The following EPHB2 variants were observed in gnomAD, a reference collection of about 807,000 sequenced individuals.
EPHB2 encodes the protein EPH receptor B2, also known as ephrin type-B receptor 2.
Under a neutral mutation model 96.4 loss-of-function variants are expected in EPHB2, and 18 were observed. The ratio of observed to expected loss-of-function variants is 0.19; its 90% CI spans 0.13 to 0.28. EPHB2 has a LOEUF of 0.28. EPHB2 is among the 10% of genes least tolerant of loss of function. The pLI is 1.00. For synonymous variants in EPHB2, 506 were observed against 534.1 expected (o/e 0.95, Z 0.72); for missense variants, 989 against 1,355.4 (o/e 0.73, Z 4.25).
intron 8 of EPHB2, 71 bp downstream of exon 8, chr1:22,895,651 C>A: frequency 7.3e-7 from 1 of 1,365,670 alleles, no homozygotes; most frequent in Non-Finnish European, 1.0e-6. Flanking sequence ...TTCAGTCATC[C>A]CTCTACAGTG....
Position 22,882,414 on chromosome 1 carries a change from C to A in EPHB2, c.1359C>A (p.Thr453=). 1 of 1,614,202 alleles carries A rather than the reference C, an allele frequency of 6.2e-7. No homozygotes were observed. Among genetic ancestry groups the A allele is most frequent in the South Asian group, 1.1e-5 (1 of 91,080 alleles). ...HQVSRTVDSI[T]LSWSQPDQPN... ...TGAGCCGCACCGTGGACAGCATTAC[C>A]CTGTCGTGGTCCCAGCCGGACCAGC... The change falls in exon 6 of 16, where the codon ACC becomes ACA. Residue 453 remains threonine, a synonymous_variant. Coordinates refer to ENST00000374630, the MANE Select transcript of EPHB2 (RefSeq NM_017449.5).
intron 6 of EPHB2, among the ~76,000 whole-genome samples, chr1:22,888,199 G>A (rs1352172233): frequency 2.0e-5 from 3 of 152,028 alleles, no homozygotes; most frequent in Non-Finnish European, 4.4e-5. Flanking sequence ...GTGCCACCAC[G>A]CTCGGCTAAT....
In EPHB2 at chr1:22,865,011, G is replaced by T; in HGVS notation, c.1102G>T (p.Gly368Cys). 6.2e-7 allele frequency: 1 copy of T among 1,611,886 alleles called. No individual in the cohort carries two copies. The highest frequency in any genetic ancestry group is 8.5e-7 in the Non-Finnish European group (1 of 1,178,294). ...YNIICKSCGS[G>C]RGACTRCGDN... Reference sequence around the variant, plus strand: ...CATCATCTGCAAGAGCTGTGGCTCGGGCCGGGGTGCCTGCACCCGCTGCGG... The same window carrying T: ...CATCATCTGCAAGAGCTGTGGCTCGTGCCGGGGTGCCTGCACCCGCTGCGG... The change falls in exon 5 of 16, where the codon GGC becomes TGC. Residue 368 changes from glycine (G) to cysteine (C), a missense_variant. By Grantham distance (159) the Gly-to-Cys change is radical (BLOSUM62 -3). Coordinates refer to ENST00000374630, the MANE Select transcript of EPHB2 (RefSeq NM_017449.5).
chr1:22,847,310 G>A (rs1645557811), intron 3 of EPHB2, among the ~76,000 whole-genome samples: 1 of 152,236 alleles, frequency 6.6e-6, no homozygotes, highest in South Asian at 2.1e-4. Context: ...AAGGCCAGAA[G>A]GACCCTGTTG....
chr1:22,876,308 C>G (rs1480233365), intron 5 of EPHB2, among the ~76,000 whole-genome samples: 1 of 152,124 alleles, frequency 6.6e-6, no homozygotes, highest in African/African-American at 2.4e-5. Flanking sequence ...TTGCAGCAAC[C>G]AGGGGCACAG....
chr1:22,770,725 T>A (rs1644369399), intron 1 of EPHB2, among the ~76,000 whole-genome samples: 1 of 152,200 alleles, frequency 6.6e-6, no homozygotes, highest in Non-Finnish European at 1.5e-5. Context: ...TTAACCTCTC[T>A]GAAGGTTATT....
In EPHB2 at chr1:22,858,188, G is replaced by A. The variant is rs910596567; in HGVS notation, c.812-4849G>A. 4.6e-5 allele frequency among the ~76,000 whole-genome samples: 7 copies of A among 152,040 alleles called. No individual in the cohort carries two copies. The highest frequency in any genetic ancestry group is 1.9e-4 in the East Asian group (1 of 5,180). ...CTTGGCCAAAGGCCTGGAGGTGAGAGCGCATTCGATGACCACAGGCAGGAG... is the reference window on the plus strand; with the variant it reads ...CTTGGCCAAAGGCCTGGAGGTGAGAACGCATTCGATGACCACAGGCAGGAG... On this transcript the variant is annotated intron_variant, in intron 3 of 15. Transcript: ENST00000374630. This position sits in a 1 kb window ranked among gnomAD's most constrained non-coding sequence, Gnocchi z 7.7.
chr1:22,898,737 A>AC (rs1366861393), intron 9 of EPHB2, among the ~76,000 whole-genome samples: 2 of 152,172 alleles, frequency 1.3e-5, no homozygotes, highest in Non-Finnish European at 2.9e-5. Context: ...TGGTGGCCAG[A>AC]CCGAGTGGCA....
chr1:22,749,910 G>T (rs905079282), intron 1 of EPHB2, among the ~76,000 whole-genome samples: 1 of 152,106 alleles, frequency 6.6e-6, no homozygotes, highest in African/African-American at 2.4e-5. Context: ...TAATCAAGAC[G>T]TGTGGTTTGA....
rs185025126 is a variant in EPHB2, at chr1:22,917,811, T to C, written c.*4241T>C. On this transcript the variant is annotated 3_prime_UTR_variant, in exon 16 of 16. Coordinates refer to ENST00000374630, the MANE Select transcript of EPHB2 (RefSeq NM_017449.5). ...ATGATGAGAAACAGTTGGTGTCTGA[T>C]GCTGGCCAATAAGAGAAAAGAAAGC... 4 of 152,314 alleles carry C rather than the reference T, an allele frequency of 2.6e-5. No homozygotes were observed. The highest frequency in any genetic ancestry group is 2.1e-4 in the South Asian group (1 of 4,814). 9.4% of individuals were successfully genotyped at this position (152,314 alleles called of 1,614,324 possible). A position where few individuals can be genotyped will look rare whatever the true frequency, so the allele number is the denominator to read the frequency against.
intron 3 of EPHB2, among the ~76,000 whole-genome samples, chr1:22,789,684 C>T (rs1313384488): frequency 6.6e-6 from 1 of 152,136 alleles, no homozygotes; most frequent in Non-Finnish European, 1.5e-5. Flanking sequence ...ACATCAGTGC[C>T]CTCCCAGAGT....
intron 1 of EPHB2, among the ~76,000 whole-genome samples, chr1:22,720,618 A>G (rs1199812250): frequency 1.5e-5 from 2 of 132,864 alleles, no homozygotes. Context: ...CGTCCAGTCC[A>G]GGGATGGCGG....
Position 22,918,420 on chromosome 1 carries a change from G to C in EPHB2, c.*4850G>C, listed in dbSNP as rs2124175706. 6.6e-6 allele frequency: 1 copy of C among 152,348 alleles called. No homozygotes were observed. The highest frequency in any genetic ancestry group is 1.9e-4 in the East Asian group (1 of 5,192). The allele number at this position is 152,348 out of a possible 1,614,324, so 9.4% of individuals were successfully genotyped here. On this transcript the variant is annotated 3_prime_UTR_variant, in exon 16 of 16. Coordinates refer to ENST00000374630, the MANE Select transcript of EPHB2 (RefSeq NM_017449.5). The surrounding 1 kb of genome is among the most constrained non-coding windows in gnomAD (Gnocchi z 4.2). ...TGAGCCTGGCGGGGGCGGGCGTGCG[G>C]GTGGGCATGAGAAATTGCTCAGGAA...
chr1:22,913,582 C>T lies in EPHB2; in HGVS notation c.*12C>T. ...CTGTGGAGGTTTGACATTCACCTGC[C>T]TCGGCTCACCTCTTCCTCCAAGCCC... On this transcript the variant is annotated 3_prime_UTR_variant, in exon 16 of 16. Coordinates refer to ENST00000374630, the MANE Select transcript of EPHB2 (RefSeq NM_017449.5). The surrounding 1 kb of genome is among the most constrained non-coding windows in gnomAD (Gnocchi z 4.1). 3 of 1,614,032 alleles carry T rather than the reference C, an allele frequency of 1.9e-6. No individual in the cohort carries two copies. The South Asian group carries it at 3.3e-5, about 18-fold the overall frequency.
chr1:22,742,449 C>T (rs1379460344), intron 1 of EPHB2, among the ~76,000 whole-genome samples: 3 of 152,138 alleles, frequency 2.0e-5, no homozygotes, highest in Non-Finnish European at 2.9e-5. Context: ...TGGGGTGAAT[C>T]GACTAACTGA....
chr1:22,784,662 A>G lies in EPHB2; in HGVS notation c.397A>G (p.Asn133Asp). ...CAAGACCTTCCCCAACTGGATGGAGAATCCATGGGTGAAGGTGGATACCAT... is the reference window on the plus strand; with the variant it reads ...CAAGACCTTCCCCAACTGGATGGAGGATCCATGGGTGAAGGTGGATACCAT... ...ATKTFPNWME[N>D]PWVKVDTIAA... Residue 133 changes from asparagine (N) to aspartate (D), a missense_variant, in exon 3 of 16, where the codon AAT becomes GAT. Physicochemically the swap from Asn to Asp is conservative, Grantham distance 23. Transcript: ENST00000374630. The surrounding 1 kb of genome is among the most constrained non-coding windows in gnomAD (Gnocchi z 5.1). The G allele has an allele frequency of 6.2e-7, 1 of 1,614,034 alleles. No homozygotes were observed. The highest frequency in any genetic ancestry group is 8.5e-7 in the Non-Finnish European group (1 of 1,180,034).
chr1:22,814,752 T>G (rs55994042), intron 3 of EPHB2, among the ~76,000 whole-genome samples: 17,703 of 152,190 alleles, frequency 0.12, 1,694 homozygotes, highest in East Asian at 0.56. Flanking sequence ...GGAAGAAGCA[T>G]GGGCTCCGAG....
Position 22,790,201 on chromosome 1 carries a change from A to T in EPHB2, c.811+5125A>T, listed in dbSNP as rs1451210214. Reference sequence around the variant, plus strand: ...AGAGAACTATACGAATAAAGGCCCCAAGGTGTGACAGTACAAGGCATATTT... The same window carrying T: ...AGAGAACTATACGAATAAAGGCCCCTAGGTGTGACAGTACAAGGCATATTT... On this transcript the variant is annotated intron_variant, in intron 3 of 15. Coordinates refer to ENST00000374630, the MANE Select transcript of EPHB2 (RefSeq NM_017449.5). This position sits in a 1 kb window ranked among gnomAD's most constrained non-coding sequence, Gnocchi z 4.0. Among the ~76,000 whole-genome samples, 1 of 152,202 alleles carries T rather than the reference A, an allele frequency of 6.6e-6. No individual in the cohort carries two copies. The highest frequency in any genetic ancestry group is 1.5e-5 in the Non-Finnish European group (1 of 68,032).
At chr1:22,717,747 C>T (rs1233544432) in intron 1 of EPHB2, among the ~76,000 whole-genome samples, 1 of 152,194 alleles carries the variant, frequency 6.6e-6, no homozygotes, top group Non-Finnish European at 1.5e-5. Flanking sequence ...AATGACTTGT[C>T]CCTTTCTCTG....
Sources: gnomAD v4.1 joint callset for allele counts (sites outside exome capture counted in the v4.1 genomes callset) on GRCh38, gnomAD v4.1.1 for gene constraint, Gnocchi (gnomAD v3.1) non-coding constraint, MANE v1.5 for transcripts, NCBI Gene and HGNC (gene_info 2026-07-23, HGNC 2026-07-21) for gene names.